The following LRBA variants were observed in gnomAD, a reference collection of about 807,000 sequenced individuals.
LRBA encodes lipopolysaccharide-responsive and beige-like anchor protein.
In LRBA, 176 loss-of-function variants were observed where a neutral mutation model predicts 330.0. The ratio of observed to expected loss-of-function variants is 0.53; its 90% CI spans 0.47 to 0.60. LRBA has a LOEUF of 0.60. Among genes scored for constraint, LRBA ranks in the 20% least tolerant of loss-of-function variants. LRBA has a pLI of 0.00. For synonymous variants in LRBA, 1,230 were observed against 1,193.0 expected, an observed-to-expected ratio of 1.03 and a Z score of -0.64; for missense variants, 3,259 against 3,444.8, an observed-to-expected ratio of 0.95 and a Z score of 1.35.
chr4:150,922,875 C>T (rs1278819040), intron 4 of LRBA, among the ~76,000 whole-genome samples: 2 of 151,900 alleles, frequency 1.3e-5, no homozygotes, highest in Non-Finnish European at 2.9e-5. Context: ...TATGATTATC[C>T]GCAGTTTACA....
Position 150,848,952 on chromosome 4 carries a change from G to T in LRBA, c.4205C>A (p.Ala1402Asp), listed in dbSNP as rs199974889. The T allele has an allele frequency of 6.2e-7, 1 of 1,611,168 alleles. No individual in the cohort carries two copies. Among genetic ancestry groups the T allele is most frequent in the East Asian group, 2.2e-5 (1 of 44,808 alleles). ...IEPTQGLSIE[A>D]SVTFLQRLIS... Reference sequence around the variant, plus strand: ...TAGCCTCTGCAAAAATGTCACAGAGGCTTCTATTGAAAGGCCTTGAGTAGG... The same window carrying T: ...TAGCCTCTGCAAAAATGTCACAGAGTCTTCTATTGAAAGGCCTTGAGTAGG... The change falls in exon 26 of 57, where the codon GCC becomes GAC. Residue 1402 changes from alanine to aspartate, a missense_variant. Transcript: ENST00000651943.
At chr4:150,471,024 T>C (rs912948519) in intron 43 of LRBA, among the ~76,000 whole-genome samples, 1 of 152,166 alleles carries the variant, frequency 6.6e-6, no homozygotes, top group Non-Finnish European at 1.5e-5. Flanking sequence ...CCCAATGAAC[T>C]GACGCTAACT....
intron 34 of LRBA, among the ~76,000 whole-genome samples, chr4:150,768,471 G>T (rs1736090306): frequency 6.6e-6 from 1 of 152,100 alleles, no homozygotes; most frequent in South Asian, 2.1e-4. Flanking sequence ...TTATTTTCCA[G>T]AAAAGTTATA....
rs61266883 is a variant in LRBA at position 150,607,797 on chromosome 4, G to A, written c.5922-8666C>T. ...CACACCTGTAATCCCAGCACTTTGG[G>A]AGGCTGAGGCGGGCGGATCACGAGG... On this transcript the variant is annotated intron_variant, in intron 37 of 56. Coordinates refer to ENST00000651943, the MANE Select transcript of LRBA (RefSeq NM_001364905.1). 3.4e-3 allele frequency among the ~76,000 whole-genome samples: 519 copies of A among 152,222 alleles called. 28 individuals are homozygous for A. The East Asian group carries it at 0.089, about 26-fold the overall frequency.
chr4:150,346,775 A>AC lies in LRBA; in HGVS notation c.7362+3216_7362+3217insG, dbSNP rs1208834316. Among the ~76,000 whole-genome samples the AC allele has an allele frequency of 1.6e-3, 234 of 147,902 alleles. 3 individuals carry two copies. Among genetic ancestry groups the AC allele is most frequent in the African/African-American group, 5.1e-3 (200 of 39,172 alleles). ...TCTGTCTCAAAAAAAAAAAAAAAAA[A>AC]AAAAAAAAAAAACACTTATTTGTTA... is the stretch of plus-strand genomic sequence containing the variant. On this transcript the variant is annotated intron_variant, in intron 48 of 56. Transcript: ENST00000651943.
At chr4:150,491,181 TGAA>T (rs1209828624) in intron 40 of LRBA, 146 bp from the exon 41 acceptor site, 1 of 413,514 alleles carries the variant, frequency 2.4e-6, no homozygotes, top group Non-Finnish European at 4.3e-6. Context: ...AATTTGGAGA[TGAA>T]GAAAATAAAT....
intron 2 of LRBA, among the ~76,000 whole-genome samples, chr4:150,950,885 T>C (rs1048014846): frequency 6.6e-6 from 1 of 152,190 alleles, no homozygotes; most frequent in African/African-American, 2.4e-5. Context: ...CAGTGATTAA[T>C]ACAAGACTGA....
chr4:150,575,433 A>G (rs1470334687), intron 40 of LRBA, among the ~76,000 whole-genome samples: 2 of 151,954 alleles, frequency 1.3e-5, no homozygotes, highest in Non-Finnish European at 2.9e-5. Flanking sequence ...ATCTTAGCAG[A>G]TGATCAATGC....
In LRBA at chr4:150,915,687, T is replaced by C; in HGVS notation, c.935A>G (p.Lys312Arg). ...CACATAACATCGAAGTTCACTATTCTTCCATCGGTTATAGATGTGTACTAT... is the reference window on the plus strand; with the variant it reads ...CACATAACATCGAAGTTCACTATTCCTCCATCGGTTATAGATGTGTACTAT... ...VTIVHIYNRW[K>R]NSELRCYVNG... is the part of the protein sequence containing the mutation. The change falls in exon 8 of 57, where the codon AAG becomes AGG. Residue 312 changes from lysine (K) to arginine (R), a missense_variant. Lys to Arg is a conservative substitution (Grantham distance 26). Transcript: ENST00000651943. 2 of 1,612,772 alleles carry C rather than the reference T, an allele frequency of 1.2e-6. No individual in the cohort carries two copies. The highest frequency in any genetic ancestry group is 1.7e-6 in the Non-Finnish European group (2 of 1,179,082).
chr4:150,627,928 A>G (rs1777012531), intron 37 of LRBA, among the ~76,000 whole-genome samples: 1 of 152,092 alleles, frequency 6.6e-6, no homozygotes, highest in African/African-American at 2.4e-5. Flanking sequence ...GCAGTAGTAA[A>G]GATTTTATGA....
intron 40 of LRBA, among the ~76,000 whole-genome samples, chr4:150,574,005 T>G (rs1414502909): frequency 6.6e-6 from 1 of 152,122 alleles, no homozygotes; most frequent in Non-Finnish European, 1.5e-5. Context: ...CTTCAAGAAC[T>G]AATATTTACA....
At chr4:151,013,547 T>C (rs1038198213) in intron 2 of LRBA, 2 of 152,186 alleles carry the variant, frequency 1.3e-5, no homozygotes. Context: ...TTGTATAATA[T>C]ATGAATTATA....
At chr4:150,769,668 T>C (rs1736289750) in intron 34 of LRBA, among the ~76,000 whole-genome samples, 1 of 152,266 alleles carries the variant, frequency 6.6e-6, no homozygotes, top group Admixed American at 6.5e-5. Flanking sequence ...AGTCTACCAA[T>C]TTAAACTTAA....
At chr4:150,486,181 C>T (rs1198374822) in intron 42 of LRBA, among the ~76,000 whole-genome samples, 1 of 151,652 alleles carries the variant, frequency 6.6e-6, no homozygotes, top group Non-Finnish European at 1.5e-5. Context: ...TGTATCAAAT[C>T]ATCATGAGGT....
intron 48 of LRBA, among the ~76,000 whole-genome samples, chr4:150,330,329 A>T (rs2126964186): frequency 6.6e-6 from 1 of 152,200 alleles, no homozygotes; most frequent in East Asian, 1.9e-4. Flanking sequence ...AAGTTTCCCT[A>T]ATCTTGTTAA....
At chr4:150,324,593 T>C (rs1406992701) in intron 49 of LRBA, among the ~76,000 whole-genome samples, 2 of 149,774 alleles carry the variant, frequency 1.3e-5, no homozygotes, top group Non-Finnish European at 3.0e-5. Context: ...GAAGGTGATG[T>C]GGGAAGAGAA....
chr4:150,859,735 G>C (rs1023970778), intron 22 of LRBA, among the ~76,000 whole-genome samples: 6 of 152,162 alleles, frequency 3.9e-5, no homozygotes, highest in Admixed American at 1.3e-4. Flanking sequence ...GCTTTTTATA[G>C]CAGCAGCATG....
At chr4:150,697,968 T>C (rs570196549) in intron 36 of LRBA, among the ~76,000 whole-genome samples, 54 of 152,202 alleles carry the variant, frequency 3.5e-4, no homozygotes, top group Non-Finnish European at 6.0e-4. Flanking sequence ...CAGCAGACCA[T>C]ACTTAAACAG....
At chr4:150,559,493 G>A (rs760910064) in intron 40 of LRBA, among the ~76,000 whole-genome samples, 8 of 143,162 alleles carry the variant, frequency 5.6e-5, no homozygotes, top group Non-Finnish European at 1.2e-4. Flanking sequence ...CCCGGGAGGT[G>A]GAGGTTGCAG....
Sources: allele counts gnomAD v4.1 joint callset (sites outside exome capture counted in the v4.1 genomes callset), GRCh38; gene constraint gnomAD v4.1.1; transcripts MANE v1.5; gene names NCBI Gene and HGNC (gene_info 2026-07-23, HGNC 2026-07-21).